Variants in TNRC6B observed in about 807,000 individuals in gnomAD.
TNRC6B encodes trinucleotide repeat containing adaptor 6B.
TNRC6B carries 52 observed loss-of-function variants against 203.6 expected under a neutral mutation model. That is an observed-to-expected ratio of 0.26 (90% CI 0.20 to 0.32). The LOEUF is 0.32. TNRC6B is among the 10% of genes least tolerant of loss of function. The probability of loss-of-function intolerance (pLI) is 1.00; values close to 1 mark genes in which losing one functional copy is unlikely to be tolerated. For synonymous variants in TNRC6B, 838 were observed against 845.7 expected (o/e 0.99, Z 0.16); for missense variants, 1,923 against 2,286.2 (o/e 0.84, Z 3.24).
At position 40,324,973 on chromosome 22, in the gene TNRC6B, A is replaced by G. The variant is rs889876004; in HGVS notation, c.*1732A>G. 6.6e-6 allele frequency: 1 copy of G among 152,488 alleles called. No homozygotes were observed. The highest frequency in any genetic ancestry group is 6.6e-5 in the Admixed American group (1 of 15,264). 9.4% of individuals were successfully genotyped at this position (152,488 alleles called of 1,614,324 possible). ...TGTACTTATGTCGGAATCAAAATGT[A>G]TCAAACTGCTTATTGTGAAGAGAAT... On this transcript the variant is annotated 3_prime_UTR_variant, in exon 23 of 23. Transcript: ENST00000454349.
At chr22:40,193,888 C>T (rs1478173897) in intron 1 of TNRC6B, among the ~76,000 whole-genome samples, 3 of 152,104 alleles carry the variant, frequency 2.0e-5, no homozygotes, top group Admixed American at 1.3e-4. Flanking sequence ...CAAAGAGAAC[C>T]GGCTGCCAGC....
intron 1 of TNRC6B, among the ~76,000 whole-genome samples, chr22:40,093,658 TAAA>T (rs1345133900): frequency 1.3e-5 from 2 of 152,186 alleles, no homozygotes; most frequent in Admixed American, 1.3e-4. Context: ...CATTTTGAAA[TAAA>T]AACCATTTTT....
chr22:40,153,540 A>G (rs963459202), intron 3 of TNRC6B, among the ~76,000 whole-genome samples: 2 of 118,926 alleles, frequency 1.7e-5, no homozygotes, highest in Non-Finnish European at 3.4e-5. Context: ...CATAACAAAT[A>G]CTAAGCTAGA....
At chr22:40,063,773 G>C (rs1013244337) in intron 1 of TNRC6B, among the ~76,000 whole-genome samples, 1 of 151,970 alleles carries the variant, frequency 6.6e-6, no homozygotes, top group Non-Finnish European at 1.5e-5. Flanking sequence ...CACGATCACA[G>C]CTTACTGCAG....
rs2070655115 is a variant in TNRC6B at position 40,277,128 on chromosome 22, C to G, written c.3193C>G (p.Gln1065Glu). 18 of 1,607,918 alleles carry G rather than the reference C, an allele frequency of 1.1e-5. No homozygotes were observed. Among genetic ancestry groups the G allele is most frequent in the Non-Finnish European group, 1.5e-5 (18 of 1,177,834 alleles). Residue 1065 changes from glutamine to glutamate, a missense_variant, in exon 8 of 23, where the codon CAG becomes GAG. Coordinates refer to ENST00000454349, the MANE Select transcript of TNRC6B (RefSeq NM_001162501.2). ...TTCATGGATGAATCCTCTTGCCAAA[C>G]AGTTTTCAAATATGGGATTGCTGGT... ...NDSWMNPLAKQFSNMGLLSQT... is the reference protein window; with the variant it reads ...NDSWMNPLAKEFSNMGLLSQT...
intron 1 of TNRC6B, among the ~76,000 whole-genome samples, chr22:40,064,752 G>GATT (rs2067881577): frequency 6.6e-6 from 1 of 152,074 alleles, no homozygotes; most frequent in Admixed American, 6.5e-5. Context: ...GAGTAGCTGG[G>GATT]ATTATAGGCA....
At chr22:40,132,963 A>ATAT (rs1555884671) in intron 3 of TNRC6B, among the ~76,000 whole-genome samples, 3 of 80,918 alleles carry the variant, frequency 3.7e-5, no homozygotes, top group African/African-American at 1.3e-4. Context: ...AAAAAAAAAA[A>ATAT]AAAAAAATAT....
At chr22:40,218,324 CTTTTT>C (rs71199275) in intron 1 of TNRC6B, among the ~76,000 whole-genome samples, 1 of 97,460 alleles carries the variant, frequency 1.0e-5, no homozygotes, top group Non-Finnish European at 2.0e-5. Context: ...TTTTTCTTTT[CTTTTT>C]TTTTTTTTTT....
At chr22:40,189,224 A>C (rs2069241571) in intron 1 of TNRC6B, among the ~76,000 whole-genome samples, 2 of 152,172 alleles carry the variant, frequency 1.3e-5, no homozygotes, top group African/African-American at 4.8e-5. Context: ...GTGGCTATTG[A>C]TATATTTATA....
chr22:40,111,283 C>CGAGCAGGGACCGGGGT (rs6147626), intron 1 of TNRC6B, among the ~76,000 whole-genome samples: 3 of 152,070 alleles, frequency 2.0e-5, no homozygotes, highest in Non-Finnish European at 4.4e-5. Context: ...GGCAGTGGGG[C>CGAGCAGGGACCGGGGT]GAGCAGGGAC....
intron 1 of TNRC6B, chr22:40,106,640 C>A (rs2068286014): frequency 4.1e-6 from 3 of 736,728 alleles, no homozygotes; most frequent in Non-Finnish European, 7.5e-6. Flanking sequence ...TGGGTACCCC[C>A]AAGCAATATA....
chr22:40,106,895 C>T (rs1387904319), intron 1 of TNRC6B: 4 of 966,074 alleles, frequency 4.1e-6, no homozygotes, highest in Non-Finnish European at 6.6e-6. Context: ...TTCCTTGTGA[C>T]AGTGCTTCGC....
At chr22:40,162,160 A>G (rs4820406) in intron 4 of TNRC6B, among the ~76,000 whole-genome samples, 103,189 of 152,028 alleles carry the variant, frequency 0.68, 36,782 homozygotes, top group African/African-American at 0.9. Flanking sequence ...GCAATGGCGC[A>G]ATCTCGGCTC....
At chr22:40,288,971 G>A (rs1473007824) in intron 12 of TNRC6B, among the ~76,000 whole-genome samples, 1 of 150,470 alleles carries the variant, frequency 6.6e-6, no homozygotes, top group Non-Finnish European at 1.5e-5. Context: ...GCGCCACCAC[G>A]CCTGGCTAAT....
At chr22:40,240,932 A>T (rs1351092550) in intron 1 of TNRC6B, among the ~76,000 whole-genome samples, 3 of 152,044 alleles carry the variant, frequency 2.0e-5, no homozygotes, top group Non-Finnish European at 4.4e-5. Flanking sequence ...AGGTGATGGG[A>T]GGTTTGATTT....
At chr22:40,156,715 C>T (rs1026952018) in intron 4 of TNRC6B, among the ~76,000 whole-genome samples, 10 of 149,826 alleles carry the variant, frequency 6.7e-5, no homozygotes, top group Admixed American at 3.3e-4. Context: ...AATTCAGGAT[C>T]TCTCCCCTAA....
chr22:40,285,914 T>C, intron 12 of TNRC6B, 144 bp downstream of exon 12: 2 of 1,074,956 alleles, frequency 1.9e-6, no homozygotes, highest in Non-Finnish European at 1.3e-6. Context: ...ACCTTTTGGC[T>C]AAGATCAAGT....
intron 15 of TNRC6B, among the ~76,000 whole-genome samples, chr22:40,303,523 A>G (rs1278319211): frequency 1.3e-5 from 2 of 152,252 alleles, no homozygotes; most frequent in African/African-American, 4.8e-5. Context: ...AACTTATTAA[A>G]TAATAGATAA....
intron 1 of TNRC6B, among the ~76,000 whole-genome samples, chr22:40,200,704 A>G (rs1460404807): frequency 6.6e-6 from 1 of 152,096 alleles, no homozygotes; most frequent in Non-Finnish European, 1.5e-5. Flanking sequence ...GTATGAATGT[A>G]TATGTAATAT....
Sources: gnomAD v4.1 joint callset for allele counts (sites outside exome capture counted in the v4.1 genomes callset) on GRCh38, gnomAD v4.1.1 for gene constraint, MANE v1.5 for transcripts, NCBI Gene and HGNC (gene_info 2026-07-23, HGNC 2026-07-21) for gene names.